The following ARHGEF10 variants were observed in gnomAD, a reference collection of about 807,000 sequenced individuals.
The protein encoded by ARHGEF10 is Rho guanine nucleotide exchange factor 10, also known as Rho guanine nucleotide exchange factor (GEF) 10.
A neutral mutation model predicts 147.4 loss-of-function variants in ARHGEF10; 140 were observed. The ratio of observed to expected loss-of-function variants is 0.95; its 90% CI spans 0.83 to 1.09. The LOEUF (loss-of-function observed/expected upper bound fraction) is 1.09. ARHGEF10 is among the 50% of genes least tolerant of loss of function. The pLI, the probability that ARHGEF10 is intolerant of heterozygous loss-of-function variation, is 0.00. For synonymous variants in ARHGEF10, 902 were observed against 695.8 expected (o/e 1.30, Z -4.67); for missense variants, 2,222 against 1,752.7 (o/e 1.27, Z -4.78).
At chr8:1,915,080 G>C (rs1441793476) in intron 18 of ARHGEF10, among the ~76,000 whole-genome samples, 1 of 152,072 alleles carries the variant, frequency 6.6e-6, no homozygotes, top group South Asian at 2.1e-4. Flanking sequence ...CTGTGCCCCT[G>C]TGTGCTCATG....
intron 7 of ARHGEF10, among the ~76,000 whole-genome samples, chr8:1,875,418 C>T (rs554010802): frequency 6.6e-6 from 1 of 152,206 alleles, no homozygotes; most frequent in African/African-American, 2.4e-5. Flanking sequence ...GGCTCTTGGG[C>T]ATGTGGGTGA....
At position 1,903,158 on chromosome 8, in the gene ARHGEF10, A is replaced by G. The variant is rs1482861619; in HGVS notation, c.1651-123A>G. 1.1e-5 allele frequency: 14 copies of G among 1,274,318 alleles called. 1 individual carries two copies. The highest frequency in any genetic ancestry group is 1.6e-5 in the Non-Finnish European group (14 of 874,954). The allele number at this position is 1,274,318 out of a possible 1,614,324, so 78.9% of individuals were successfully genotyped here. On this transcript the variant is annotated intron_variant, in intron 15 of 28. Transcript: ENST00000349830. ...TCATCCCTTCCCAAGAACTGACTTT[A>G]TTTTTCCCCAGGATGGCAGATGCCA...
intron 2 of ARHGEF10, among the ~76,000 whole-genome samples, chr8:1,851,292 G>T (rs1323483119): frequency 6.8e-6 from 1 of 147,490 alleles, no homozygotes; most frequent in Non-Finnish European, 1.5e-5. Flanking sequence ...GTACCTCAGT[G>T]TTGGCTCCTC....
At chr8:1,869,328 G>C (rs1806892175) in intron 7 of ARHGEF10, 78 bp downstream of exon 7, 7 of 1,257,262 alleles carry the variant, frequency 5.6e-6, no homozygotes, top group Non-Finnish European at 8.2e-6. Flanking sequence ...TGACTATTTA[G>C]TGGACGGCCC....
chr8:1,843,785 G>A lies in ARHGEF10; in HGVS notation c.37+349G>A, dbSNP rs181582513. Among the ~76,000 whole-genome samples the A allele has an allele frequency of 5.5e-4, 84 of 152,314 alleles. 2 individuals carry two copies. In the East Asian group the frequency reaches 9.1e-3, roughly 16 times the overall value. ...GGCGCCTTCCAGTGTTGAAGGCCTCGCTCAGGCTTAAAGCTCAGCTCGCCC... is the reference window on the plus strand; with the variant it reads ...GGCGCCTTCCAGTGTTGAAGGCCTCACTCAGGCTTAAAGCTCAGCTCGCCC... On this transcript the variant is annotated intron_variant, in intron 2 of 28. Transcript: ENST00000349830.
intron 21 of ARHGEF10, 21 bp downstream of exon 21, chr8:1,923,895 G>A: frequency 6.2e-7 from 1 of 1,607,706 alleles, no homozygotes; most frequent in South Asian, 1.1e-5. Context: ...GCTGGCTGAG[G>A]CTGAATGAGG....
At chr8:1,878,306 C>G (rs1417525279) in intron 8 of ARHGEF10, among the ~76,000 whole-genome samples, 1 of 152,128 alleles carries the variant, frequency 6.6e-6, no homozygotes, top group Non-Finnish European at 1.5e-5. Context: ...TCTCCTGCCT[C>G]AGCCTCTCAA....
intron 15 of ARHGEF10, among the ~76,000 whole-genome samples, chr8:1,903,077 G>A (rs1016190534): frequency 3.3e-5 from 5 of 150,502 alleles, no homozygotes; most frequent in Non-Finnish European, 7.4e-5. Context: ...TTTCAATTTT[G>A]TTTTTGCAAA....
At chr8:1,837,030 T>C (rs1352387030) in intron 1 of ARHGEF10, among the ~76,000 whole-genome samples, 1 of 152,252 alleles carries the variant, frequency 6.6e-6, no homozygotes, top group African/African-American at 2.4e-5. Flanking sequence ...CAGTCTCAGA[T>C]ACATCTTTAT....
chr8:1,916,103 C>T (rs951800714), intron 18 of ARHGEF10, among the ~76,000 whole-genome samples: 3 of 152,254 alleles, frequency 2.0e-5, no homozygotes, highest in African/African-American at 7.2e-5. Flanking sequence ...AAGACTCCCT[C>T]AGGAAAGTGC....
At chr8:1,926,286 T>G in intron 22 of ARHGEF10, 91 bp from the exon 23 acceptor site, 1 of 1,027,714 alleles carries the variant, frequency 9.7e-7, no homozygotes, top group East Asian at 2.4e-5. Context: ...GTTTATACAT[T>G]GGAAGTAAGT....
chr8:1,930,916 G>A (rs907892996), intron 25 of ARHGEF10, among the ~76,000 whole-genome samples: 4 of 152,212 alleles, frequency 2.6e-5, no homozygotes, highest in African/African-American at 7.2e-5. Context: ...CCGATCCCTG[G>A]CTCCTTGGCG....
intron 28 of ARHGEF10, among the ~76,000 whole-genome samples, chr8:1,953,594 A>C (rs2129290888): frequency 6.6e-6 from 1 of 151,002 alleles, no homozygotes; most frequent in South Asian, 2.1e-4. Context: ...GCTAGGAACA[A>C]AGTATGATGC....
intron 28 of ARHGEF10, among the ~76,000 whole-genome samples, chr8:1,955,937 C>G (rs1815529379): frequency 6.6e-6 from 1 of 152,226 alleles, no homozygotes; most frequent in South Asian, 2.1e-4. Context: ...CACTTTGCCA[C>G]TCTCCTCTTT....
intron 1 of ARHGEF10, among the ~76,000 whole-genome samples, chr8:1,825,367 G>A (rs1323689955): frequency 7.7e-5 from 3 of 39,114 alleles, no homozygotes; most frequent in Non-Finnish European, 1.4e-4. Context: ...AACCCCACCT[G>A]TCCCCTGCAC....
chr8:1,866,715 A>G (rs1302208340), intron 6 of ARHGEF10, 113 bp downstream of exon 6: 1 of 1,031,628 alleles, frequency 9.7e-7, no homozygotes, highest in Non-Finnish European at 1.5e-6. Context: ...CTCTAAAAAG[A>G]TGTTTATTTA....
At chr8:1,927,392 G>A (rs780792944) in intron 23 of ARHGEF10, 1 of 152,050 alleles carries the variant, frequency 6.6e-6, no homozygotes, top group Non-Finnish European at 1.5e-5. Flanking sequence ...CAAGAATAAG[G>A]AGAGTTTAAC....
intron 6 of ARHGEF10, among the ~76,000 whole-genome samples, chr8:1,867,106 C>T (rs1021630534): frequency 4.0e-5 from 6 of 151,656 alleles, no homozygotes; most frequent in Admixed American, 3.3e-4. Flanking sequence ...ATGGGGATTC[C>T]CGAATAAATG....
rs140629262 is a variant in ARHGEF10 at position 1,874,472 on chromosome 8, T to C, written c.680-2099T>C. Among the ~76,000 whole-genome samples the C allele has an allele frequency of 3.2e-3, 484 of 152,346 alleles. 4 individuals carry two copies. Among genetic ancestry groups the C allele is most frequent in the African/African-American group, 0.011 (448 of 41,582 alleles). On this transcript the variant is annotated intron_variant, in intron 7 of 28. Coordinates refer to ENST00000349830, the MANE Select transcript of ARHGEF10 (RefSeq NM_014629.4). Reference sequence around the variant, plus strand: ...TAATTGAGGTGAAAAAGGTAACATGTGTGAAAACCATGTCTGTGTAGACTT... The same window carrying C: ...TAATTGAGGTGAAAAAGGTAACATGCGTGAAAACCATGTCTGTGTAGACTT...
Sources: gnomAD v4.1 joint callset for allele counts (sites outside exome capture counted in the v4.1 genomes callset) on GRCh38, gnomAD v4.1.1 for gene constraint, MANE v1.5 for transcripts, NCBI Gene and HGNC (gene_info 2026-07-23, HGNC 2026-07-21) for gene names.